Variants in TENM4 observed in about 807,000 individuals in gnomAD.
TENM4 encodes teneurin-4.
In TENM4, 82 loss-of-function variants were observed where a neutral mutation model predicts 243.3. The ratio of observed to expected loss-of-function variants is 0.34; its 90% confidence interval spans 0.28 to 0.40. TENM4 has a LOEUF of 0.40. Ranked by LOEUF, TENM4 falls within the 10% of genes least tolerant of loss-of-function variation. The probability of loss-of-function intolerance (pLI) is 1.00; values close to 1 mark genes in which losing one functional copy is unlikely to be tolerated. For missense variants in TENM4, 3,138 were observed against 3,673.3 expected, an observed-to-expected ratio of 0.85 and a Z score of 3.77; for synonymous variants, 1,412 against 1,456.3, an observed-to-expected ratio of 0.97 and a Z score of 0.69.
chr11:79,220,661 A>T (rs2135237917), intron 2 of TENM4, among the ~76,000 whole-genome samples: 1 of 152,372 alleles, frequency 6.6e-6, no homozygotes, highest in South Asian at 2.1e-4. Flanking sequence ...CTGAAACTAC[A>T]GCAAGCTATT....
chr11:78,738,507 G>A lies in TENM4; in HGVS notation c.2820C>T (p.Asn940=), dbSNP rs200422375. Residue 940 remains asparagine (N), a synonymous_variant, in exon 20 of 34, where the codon AAC becomes AAT. Transcript: ENST00000278550. The stretch of plus-strand genomic sequence containing the variant: ...AGAGAGGGTTATTGACAAAACTGAT[G>A]TTCACACCAACCAGGGGGGTTCCAT... ...TSDGTPLVGV[N]ISFVNNPLFG... The A allele has an allele frequency of 1.9e-6, 3 of 1,613,774 alleles. No homozygotes were observed. The highest frequency in any genetic ancestry group is 2.7e-5 in the African/African-American group (2 of 74,908).
chr11:78,874,203 A>G (rs73500608), intron 9 of TENM4, among the ~76,000 whole-genome samples: 2,567 of 152,178 alleles, frequency 0.017, 86 homozygotes, highest in African/African-American at 0.059. Flanking sequence ...CTGTGCATCA[A>G]CAGGGAAGTC....
chr11:79,233,403 C>T (rs1251662046), intron 2 of TENM4, among the ~76,000 whole-genome samples: 1 of 152,062 alleles, frequency 6.6e-6, no homozygotes, highest in Non-Finnish European at 1.5e-5. Flanking sequence ...GCTATGAAGA[C>T]CAGGGAGGAG....
intron 25 of TENM4, among the ~76,000 whole-genome samples, chr11:78,718,136 T>A (rs1243652924): frequency 1.3e-5 from 2 of 152,112 alleles, no homozygotes; most frequent in East Asian, 3.9e-4. Flanking sequence ...CTATAATTTT[T>A]AAAATCCATC....
At chr11:78,782,659 G>A (rs1397888951) in intron 16 of TENM4, among the ~76,000 whole-genome samples, 9 of 152,008 alleles carry the variant, frequency 5.9e-5, no homozygotes, top group Admixed American at 1.3e-4. Context: ...CCACCTACTC[G>A]GGAGGCTGAG....
intron 4 of TENM4, among the ~76,000 whole-genome samples, chr11:79,095,393 C>G (rs1861053732): frequency 6.6e-6 from 1 of 152,174 alleles, no homozygotes; most frequent in African/African-American, 2.4e-5. Flanking sequence ...CTTTCTCTAC[C>G]AACTCCAAAG....
intron 1 of TENM4, among the ~76,000 whole-genome samples, chr11:79,315,692 G>A (rs1016030608): frequency 2.0e-5 from 3 of 152,204 alleles, no homozygotes; most frequent in Non-Finnish European, 4.4e-5. Flanking sequence ...AAGGTGATTT[G>A]TGTGTACACA....
At chr11:79,044,386 G>A (rs774519784) in intron 6 of TENM4, among the ~76,000 whole-genome samples, 17 of 152,348 alleles carry the variant, frequency 1.1e-4, no homozygotes, top group Non-Finnish European at 2.2e-4. Context: ...AGGGATCCCT[G>A]TGCAGCAGTG....
intron 3 of TENM4, among the ~76,000 whole-genome samples, chr11:79,172,291 C>T (rs1429474747): frequency 6.6e-6 from 1 of 152,126 alleles, no homozygotes; most frequent in Non-Finnish European, 1.5e-5. Flanking sequence ...CAGATGTAAA[C>T]CAGGGCTGTC....
intron 14 of TENM4, among the ~76,000 whole-genome samples, chr11:78,808,918 C>T (rs1357875786): frequency 2.0e-5 from 3 of 152,206 alleles, no homozygotes; most frequent in South Asian, 2.1e-4. Flanking sequence ...CTGTGACAAT[C>T]CCCTAGACCC....
At chr11:79,202,752 A>T (rs866733295) in intron 3 of TENM4, among the ~76,000 whole-genome samples, 94 of 152,282 alleles carry the variant, frequency 6.2e-4, no homozygotes, top group Non-Finnish European at 1.3e-3. Context: ...CTTTTCACTC[A>T]CACACAGCTT....
intron 12 of TENM4, among the ~76,000 whole-genome samples, chr11:78,824,826 G>C (rs1302056734): frequency 2.0e-5 from 3 of 152,106 alleles, no homozygotes; most frequent in South Asian, 2.1e-4. Flanking sequence ...AATTTGGATG[G>C]GGACACACAT....
intron 21 of TENM4, among the ~76,000 whole-genome samples, chr11:78,732,056 CAG>C (rs1181557523): frequency 2.0e-5 from 3 of 152,126 alleles, no homozygotes; most frequent in Non-Finnish European, 4.4e-5. Context: ...AGTGGAAAGA[CAG>C]AGAGAATTTA....
At chr11:78,708,665 G>T in intron 26 of TENM4, 150 bp from the exon 27 acceptor site, 1 of 966,670 alleles carries the variant, frequency 1.0e-6, no homozygotes, top group Non-Finnish European at 1.5e-6. Flanking sequence ...AAGAGGAGGA[G>T]TCTCAGGCTC....
intron 4 of TENM4, among the ~76,000 whole-genome samples, chr11:79,079,114 G>C (rs185849250): frequency 6.6e-6 from 1 of 152,204 alleles, no homozygotes; most frequent in Non-Finnish European, 1.5e-5. Flanking sequence ...GAGAACTGTC[G>C]GGACAGAGAC....
chr11:79,342,515 C>T (rs1437354055), intron 1 of TENM4, among the ~76,000 whole-genome samples: 1 of 152,092 alleles, frequency 6.6e-6, no homozygotes, highest in Non-Finnish European at 1.5e-5. Context: ...GCGTGGCCTC[C>T]CTCTTTCAGT....
intron 26 of TENM4, among the ~76,000 whole-genome samples, chr11:78,709,154 A>G (rs149938691): frequency 0.11 from 9,911 of 89,294 alleles, 425 homozygotes; most frequent in Middle Eastern, 0.18. Context: ...TTTTTTTTTT[A>G]GTAGAGATGA....
intron 6 of TENM4, among the ~76,000 whole-genome samples, chr11:78,940,494 G>T (rs779500176): frequency 6.6e-6 from 1 of 152,210 alleles, no homozygotes; most frequent in Non-Finnish European, 1.5e-5. Flanking sequence ...TCCTGGGGAT[G>T]GTTTAAGTGT....
chr11:78,659,247 T>A (rs1330480213), intron 33 of TENM4, among the ~76,000 whole-genome samples: 1 of 152,244 alleles, frequency 6.6e-6, no homozygotes, highest in African/African-American at 2.4e-5. Flanking sequence ...TTCAGCCAAA[T>A]AATTACCACT....
Sources: gnomAD v4.1 joint callset for allele counts (sites outside exome capture counted in the v4.1 genomes callset) on GRCh38, gnomAD v4.1.1 for gene constraint, MANE v1.5 for transcripts, NCBI Gene and HGNC (gene_info 2026-07-23, HGNC 2026-07-21) for gene names.